Variants in WDR41 observed in about 807,000 individuals in gnomAD.
WDR41 encodes WD repeat domain 41.
A neutral mutation model predicts 69.3 loss-of-function variants in WDR41; 63 were observed. The observed-to-expected ratio is 0.91, with a 90% confidence interval of 0.74 to 1.12. The LOEUF (loss-of-function observed/expected upper bound fraction) is 1.12, where lower values mean the gene tolerates loss of function less well. Ranked by LOEUF, WDR41 falls within the 50% of genes most tolerant of loss-of-function variation. The pLI is 0.00. For synonymous variants in WDR41, 185 were observed against 192.1 expected (o/e 0.96, Z 0.31); for missense variants, 543 against 534.5 (o/e 1.02, Z -0.16).
chr5:77,469,285 T>A (rs1800450684), intron 2 of WDR41, among the ~76,000 whole-genome samples: 1 of 152,120 alleles, frequency 6.6e-6, no homozygotes, highest in Non-Finnish European at 1.5e-5. Context: ...GAGACATACC[T>A]AATGTAAATG....
At chr5:77,451,895 C>A (rs1259610268) in intron 6 of WDR41, 1 of 152,178 alleles carries the variant, frequency 6.6e-6, no homozygotes, top group Non-Finnish European at 1.5e-5. Context: ...TAACACACTT[C>A]ACTTATTTAA....
intron 6 of WDR41, 58 bp from the exon 7 acceptor site, chr5:77,451,411 CA>C: frequency 2.0e-6 from 3 of 1,500,604 alleles, no homozygotes; most frequent in Non-Finnish European, 2.8e-6. Context: ...ATATCAAAAA[CA>C]AAAACATTCT....
At chr5:77,494,313 T>C (rs1801907243), upstream of WDR41, among the ~76,000 whole-genome samples, 2 of 152,012 alleles carry the variant, frequency 1.3e-5, no homozygotes, top group Admixed American at 6.6e-5. Context: ...AATTCCTCTT[T>C]ATCAGTAATT....
chr5:77,498,319 T>C (rs1034809512), intron 1 of WDR41, among the ~76,000 whole-genome samples: 6 of 150,768 alleles, frequency 4.0e-5, no homozygotes, highest in Non-Finnish European at 8.8e-5. Context: ...AAGCCACATA[T>C]ATATGGATAA....
At chr5:77,463,316 G>T in intron 3 of WDR41, 90 bp from the exon 4 acceptor site, 1 of 1,229,452 alleles carries the variant, frequency 8.1e-7, no homozygotes, top group Non-Finnish European at 1.1e-6. Flanking sequence ...CCATATAGAA[G>T]ATACATATAC....
intron 1 of WDR41, among the ~76,000 whole-genome samples, chr5:77,516,908 G>C (rs1351019045): frequency 6.6e-6 from 1 of 151,610 alleles, no homozygotes; most frequent in Non-Finnish European, 1.5e-5. Flanking sequence ...TCCCAGCTAC[G>C]CGGGAGGCTG....
At chr5:77,609,929 T>C (rs1744510803) in intron 1 of WDR41, among the ~76,000 whole-genome samples, 1 of 152,032 alleles carries the variant, frequency 6.6e-6, no homozygotes, top group Non-Finnish European at 1.5e-5. Flanking sequence ...GACGAATGTA[T>C]AACTAGAATA....
intron 1 of WDR41, 82 bp from the exon 2 acceptor site, chr5:77,489,654 A>T (rs1801681419): frequency 1.2e-6 from 1 of 832,026 alleles, no homozygotes; most frequent in Non-Finnish European, 1.9e-6. Context: ...ATTGGAATAT[A>T]ACTCCATGGT....
chr5:77,449,611 C>G, intron 8 of WDR41, 149 bp downstream of exon 8: 1 of 597,886 alleles, frequency 1.7e-6, no homozygotes, highest in Non-Finnish European at 2.9e-6. Flanking sequence ...TCAGCTCCAC[C>G]GGCTAAAACT....
At chr5:77,555,535 C>T (rs182993311) in intron 1 of WDR41, among the ~76,000 whole-genome samples, 1 of 152,152 alleles carries the variant, frequency 6.6e-6, no homozygotes, top group African/African-American at 2.4e-5. Flanking sequence ...GTCCTGAACT[C>T]CTGAGCTCAA....
Position 77,578,864 on chromosome 5 carries a change from C to CAA in WDR41, c.42+41613_42+41614dup, listed in dbSNP as rs55920763. ...GAGTGACAAGAGCAAAACTCCATCT[C>CAA]AAAAAAAAAAAAAAAAAAAAAGAAG... On this transcript the variant is annotated intron_variant, in intron 1 of 5. Coordinates refer to the WDR41 transcript ENST00000509971. Among the ~76,000 whole-genome samples, 388 of 77,006 alleles carry CAA rather than the reference C, an allele frequency of 5.0e-3. 1 individual carries two copies. The highest frequency in any genetic ancestry group is 9.8e-3 in the Middle Eastern group (1 of 102). 50.5% of individuals were successfully genotyped at this position (77,006 alleles called of 152,430 possible). A position where few individuals can be genotyped will look rare whatever the true frequency, so the allele number is the denominator to read the frequency against.
chr5:77,434,607 A>G (rs1338896879), intron 12 of WDR41, among the ~76,000 whole-genome samples: 1 of 151,848 alleles, frequency 6.6e-6, no homozygotes, highest in East Asian at 1.9e-4. Context: ...TGGGAGACTG[A>G]GGCAGGAGAA....
chr5:77,597,852 A>G (rs535035843), intron 1 of WDR41, among the ~76,000 whole-genome samples: 1 of 152,350 alleles, frequency 6.6e-6, no homozygotes, highest in South Asian at 2.1e-4. Context: ...GAGAGGTTAC[A>G]ATCATTTTCT....
In WDR41 at chr5:77,613,326, C is replaced by T. The variant is rs1321022051; in HGVS notation, c.42+7153G>A. 9.2e-5 allele frequency among the ~76,000 whole-genome samples: 14 copies of T among 152,026 alleles called. No individual in the cohort carries two copies. In the East Asian group the frequency reaches 9.6e-4, roughly 10 times the overall value. On this transcript the variant is annotated intron_variant, in intron 1 of 5. Coordinates refer to the WDR41 transcript ENST00000509971. ...GTTCATATGGAACCAAAAAAGAGCC[C>T]GCATCGCCAAGCCAATCCTAAGCCA...
intron 2 of WDR41, among the ~76,000 whole-genome samples, chr5:77,476,549 C>A (rs1336566028): frequency 6.6e-6 from 1 of 151,334 alleles, no homozygotes; most frequent in Non-Finnish European, 1.5e-5. Context: ...ATTTTCAACC[C>A]AGAATTTCAT....
rs1260452854 is a variant in WDR41, at chr5:77,453,795, A to G, written c.523+22T>C. The G allele has an allele frequency of 8.2e-6, 13 of 1,583,666 alleles. No individual in the cohort carries two copies. In the East Asian group the frequency reaches 8.9e-5, roughly 11 times the overall value. ...CTTCTAGTCTGTCAATCATAGTTCA[A>G]AATTACCTTGATGTTTTTTACCTGT... On this transcript the variant is annotated intron_variant, in intron 6 of 12. Coordinates refer to ENST00000296679, the MANE Select transcript of WDR41 (RefSeq NM_018268.4).
At position 77,613,091 on chromosome 5, in the gene WDR41, C is replaced by T. The variant is rs1451653121; in HGVS notation, c.42+7388G>A. Among the ~76,000 whole-genome samples, 97 of 150,734 alleles carry T rather than the reference C, an allele frequency of 6.4e-4. No individual in the cohort carries two copies. In the South Asian group the frequency reaches 9.9e-3, roughly 15 times the overall value. ...ACCTAGGAATCCAACTTACAAGGGA[C>T]GTGAAGGACCTCTTCAAGGAGAACT... On this transcript the variant is annotated intron_variant, in intron 1 of 5. Transcript: ENST00000509971.
intron 1 of WDR41, among the ~76,000 whole-genome samples, chr5:77,504,407 A>G (rs1802073430): frequency 6.6e-6 from 1 of 152,220 alleles, no homozygotes; most frequent in Non-Finnish European, 1.5e-5. Flanking sequence ...AAAAAAGTCC[A>G]GGACCAGATG....
chr5:77,452,689 G>C (rs1489014234), intron 6 of WDR41: 2 of 152,154 alleles, frequency 1.3e-5, no homozygotes, highest in African/African-American at 4.8e-5. Context: ...CCTTCTCAAG[G>C]CTTTCCCATA....
Sources: gnomAD v4.1 joint callset for allele counts (sites outside exome capture counted in the v4.1 genomes callset) on GRCh38, gnomAD v4.1.1 for gene constraint, MANE v1.5 for transcripts, NCBI Gene and HGNC (gene_info 2026-07-23, HGNC 2026-07-21) for gene names.